The following MAGEA4 variants were observed in gnomAD, a reference collection of about 807,000 sequenced individuals.
MAGEA4 encodes melanoma-associated antigen 4.
Under a neutral mutation model 13.7 loss-of-function variants are expected in MAGEA4, and 1 was observed. The observed-to-expected ratio is 0.07, with a 90% CI of 0.03 to 0.35. The LOEUF (loss-of-function observed/expected upper bound fraction) is 0.35. Among genes scored for constraint, MAGEA4 ranks in the 10% least tolerant of loss-of-function variants. The pLI is 0.99. For synonymous variants in MAGEA4, 132 were observed against 101.1 expected (o/e 1.31, Z -1.83); for missense variants, 312 against 245.1 (o/e 1.27, Z -1.82).
intron 1 of MAGEA4, chrX:151,919,173 C>A (rs1352154352): frequency 2.1e-4 from 84 of 403,162 alleles, no homozygotes; most frequent in Non-Finnish European, 2.5e-4. Context: ...CACCCCACTG[C>A]GTCTGAAGTC....
chrX:151,913,682 C>A, intron 1 of MAGEA4: 6 of 671,954 alleles, frequency 8.9e-6, no homozygotes, highest in Non-Finnish European at 1.1e-5. Context: ...GTGGGCCACC[C>A]GTGGGCGGAC....
rs187131175 is a variant in MAGEA4 at position 151,920,893 on chromosome X, G to A, written c.-137-2560G>A. ...GAGGATTCAGGAAACCCCTATCCCTGATAGAGGGTCCCAGCCCTGGACTAC... is the reference window on the plus strand; with the variant it reads ...GAGGATTCAGGAAACCCCTATCCCTAATAGAGGGTCCCAGCCCTGGACTAC... On this transcript the variant is annotated intron_variant, in intron 1 of 2. Transcript: ENST00000276344. 4.2e-3 allele frequency among the ~76,000 whole-genome samples: 458 copies of A among 110,353 alleles called. 2 individuals carry two copies. Among genetic ancestry groups the A allele is most frequent in the African/African-American group, 0.014 (438 of 30,232 alleles).
chrX:151,913,431 C>A (rs747208689), intron 1 of MAGEA4: 1 of 570,678 alleles, frequency 1.8e-6, no homozygotes, highest in African/African-American at 2.7e-5. Flanking sequence ...CACGCTGAAT[C>A]GGGTTGCGCT....
chrX:151,913,752 C>A, intron 1 of MAGEA4: 1 of 325,601 alleles, frequency 3.1e-6, no homozygotes, highest in African/African-American at 2.8e-5. Flanking sequence ...ACTCTGGAGT[C>A]AGAGCTTGGG....
rs1196827957 is a variant in MAGEA4, at chrX:151,918,600, T to A, written c.-137-4853T>A. 9.2e-5 allele frequency among the ~76,000 whole-genome samples: 4 copies of A among 43,299 alleles called. No homozygotes were observed. In the East Asian group the frequency reaches 2.1e-3, roughly 23 times the overall value. 37.6% of individuals were successfully genotyped at this position (43,299 alleles called of 115,157 possible). On this transcript the variant is annotated intron_variant, in intron 1 of 2. Coordinates refer to ENST00000276344, the MANE Select transcript of MAGEA4 (RefSeq NM_001011548.1). The stretch of plus-strand genomic sequence containing the variant: ...CAGGACCCTAAGAGAGGGCTAAGCG[T>A]ACCCCACCCCTATTCCCATCCCCCA...
Position 151,923,913 on chromosome X carries a change from A to C in MAGEA4, c.249A>C (p.Gln83His). Residue 83 changes from glutamine to histidine, a missense_variant, in exon 3 of 3, where the codon CAA becomes CAC. Physicochemically the swap from Gln to His is conservative, Grantham distance 24. Coordinates refer to ENST00000276344, the MANE Select transcript of MAGEA4 (RefSeq NM_001011548.1). Reference sequence around the variant, plus strand: ...CCATCAGCTTCACTTGCTGGAGGCAACCCAATGAGGGTTCCAGCAGCCAAG... The same window carrying C: ...CCATCAGCTTCACTTGCTGGAGGCACCCCAATGAGGGTTCCAGCAGCCAAG... ...PTTISFTCWR[Q>H]PNEGSSSQEE... 1 of 1,211,180 alleles carries C rather than the reference A, an allele frequency of 8.3e-7. No individual in the cohort carries two copies. The highest frequency in any genetic ancestry group is 1.1e-6 in the Non-Finnish European group (1 of 895,338).
In MAGEA4 at chrX:151,924,264, A is replaced by G. The variant is rs61741057; in HGVS notation, c.600A>G (p.Thr200=). The change falls in exon 3 of 3, where the codon ACA becomes ACG. Residue 200 remains threonine (T), a synonymous_variant. Transcript: ENST00000276344. The part of the protein sequence containing the change: ...LLGNNQIFPK[T]GLLIIVLGTI... ...GTAATAATCAGATCTTTCCCAAGAC[A>G]GGCCTTCTGATAATCGTCCTGGGCA... The G allele has an allele frequency of 7.7e-3, 9,348 of 1,208,477 alleles. 464 individuals are homozygous for G. In the African/African-American group the frequency reaches 0.14, roughly 19 times the overall value.
intron 1 of MAGEA4, among the ~76,000 whole-genome samples, chrX:151,922,937 G>A (rs943998020): frequency 1.7e-4 from 19 of 112,380 alleles, no homozygotes; most frequent in African/African-American, 4.9e-4. Context: ...GTCGTTCTTC[G>A]GAAGACCTAG....
Position 151,924,618 on chromosome X carries a change from A to C in MAGEA4, c.954A>C (p.Ter318CysextTer2). Residue 318 changes from the stop codon to cysteine, a stop_lost, in exon 3 of 3, where the codon TGA becomes TGC. Coordinates refer to ENST00000276344, the MANE Select transcript of MAGEA4 (RefSeq NM_001011548.1). ...TGTTAGAGGAGGAAGAGGGAGTCTG[A>C]GCATGAGTTGCAGCCAGGGCTGTGG... ...AALLEEEEGV[*>C] is the part of the protein sequence containing the mutation. 8.5e-7 allele frequency: 1 copy of C among 1,181,214 alleles called. No homozygotes were observed. Among genetic ancestry groups the C allele is most frequent in the Non-Finnish European group, 1.1e-6 (1 of 878,789 alleles).
chrX:151,920,718 C>G (rs1933395193), intron 1 of MAGEA4, among the ~76,000 whole-genome samples: 1 of 100,459 alleles, frequency 1.0e-5, no homozygotes, highest in African/African-American at 3.7e-5. Flanking sequence ...TGCTTTCAAT[C>G]CAGGCAAGCC....
intron 1 of MAGEA4, among the ~76,000 whole-genome samples, chrX:151,921,151 T>G (rs1454157768): frequency 1.8e-5 from 2 of 111,882 alleles, no homozygotes; most frequent in Non-Finnish European, 3.8e-5. Context: ...CCGCTGCCAT[T>G]TCGCTGCTCC....
chrX:151,923,496 G>C lies in MAGEA4; in HGVS notation c.-94G>C, dbSNP rs1184604496. On this transcript the variant is annotated 5_prime_UTR_variant, in exon 2 of 3. Coordinates refer to ENST00000276344, the MANE Select transcript of MAGEA4 (RefSeq NM_001011548.1). ...AACCGGAGGACAGGATTCCCTGGAG[G>C]CCACAGAGGAGCACCAAGGAGAAGA... The C allele has an allele frequency of 8.3e-7, 1 of 1,199,839 alleles. No homozygotes were observed. Among genetic ancestry groups the C allele is most frequent in the African/African-American group, 1.8e-5 (1 of 57,109 alleles).
chrX:151,919,568 G>A, intron 1 of MAGEA4: 2 of 668,808 alleles, frequency 3.0e-6, no homozygotes, highest in Non-Finnish European at 3.5e-6. Flanking sequence ...GCTGAATCGG[G>A]TTCTGCTTCC....
chrX:151,919,564 T>G, intron 1 of MAGEA4: 4 of 537,412 alleles, frequency 7.4e-6, no homozygotes, highest in Non-Finnish European at 8.8e-6. Flanking sequence ...CCACGCTGAA[T>G]CGGGTTCTGC....
intron 1 of MAGEA4, chrX:151,919,643 A>G (rs1187009608): frequency 4.0e-6 from 3 of 750,265 alleles, no homozygotes; most frequent in Non-Finnish European, 4.7e-6. Flanking sequence ...ATTGGGGGTT[A>G]GAGAAAAGCG....
chrX:151,924,550 G>A lies in MAGEA4; in HGVS notation c.886G>A (p.Ala296Thr). 1 of 1,206,488 alleles carries A rather than the reference G, an allele frequency of 8.3e-7. No homozygotes were observed. Reference protein sequence around the residue: ...KVLEHVVRVNARVRIAYPSLR... With the variant: ...KVLEHVVRVNTRVRIAYPSLR... ...CCTGGAGCATGTGGTCAGGGTCAAT[G>A]CAAGAGTTCGCATTGCCTACCCATC... Residue 296 changes from alanine to threonine, a missense_variant, in exon 3 of 3, where the codon GCA becomes ACA. Physicochemically the swap from Ala to Thr is moderately conservative, Grantham distance 58. Coordinates refer to ENST00000276344, the MANE Select transcript of MAGEA4 (RefSeq NM_001011548.1).
chrX:151,924,886 C>T lies in MAGEA4; in HGVS notation c.*268C>T, dbSNP rs778266553. On this transcript the variant is annotated 3_prime_UTR_variant, in exon 3 of 3. Transcript: ENST00000276344. ...ATCCAAGTTTATGAATCGTAGTTAA[C>T]GTATATTGCTGTTAATATAGTTTAG... 249 of 299,762 alleles carry T rather than the reference C, an allele frequency of 8.3e-4. 1 individual carries two copies. The highest frequency in any genetic ancestry group is 1.3e-3 in the Non-Finnish European group (210 of 166,786). The allele number at this position is 299,762 out of a possible 1,213,427, so 24.7% of individuals were successfully genotyped here.
At chrX:151,912,667 C>A, upstream of MAGEA4, 1 of 238,753 alleles carries the variant, frequency 4.2e-6, no homozygotes, top group Non-Finnish European at 7.9e-6. Context: ...AATCCACACC[C>A]TCATCCCCTA....
chrX:151,918,922 G>A (rs1313344257), intron 1 of MAGEA4: 2 of 739,332 alleles, frequency 2.7e-6, no homozygotes, highest in African/African-American at 4.9e-5. Context: ...AGCCCCAGGG[G>A]CCCGGATGTG....
Sources: gnomAD v4.1 joint callset for allele counts (sites outside exome capture counted in the v4.1 genomes callset) on GRCh38, gnomAD v4.1.1 for gene constraint, MANE v1.5 for transcripts, NCBI Gene and HGNC (gene_info 2026-07-23, HGNC 2026-07-21) for gene names.